Variants in KCNAB1 observed in about 807,000 individuals in gnomAD.
The protein encoded by KCNAB1 is potassium voltage-gated channel subfamily A regulatory beta subunit 1.
In KCNAB1, 35 loss-of-function variants were observed where a neutral mutation model predicts 64.6. That is an observed-to-expected ratio of 0.54 (90% confidence interval 0.41 to 0.72). The LOEUF (loss-of-function observed/expected upper bound fraction) is 0.72, where lower values mean the gene tolerates loss of function less well. Among genes scored for constraint, KCNAB1 ranks in the 30% least tolerant of loss-of-function variants. The pLI, the probability that KCNAB1 is intolerant of heterozygous loss-of-function variation, is 0.00. For missense variants in KCNAB1, 401 were observed against 512.9 expected (o/e 0.78, Z 2.11); for synonymous variants, 177 against 183.8 (o/e 0.96, Z 0.30).
At chr3:156,516,104 G>A (rs1717540892) in intron 10 of KCNAB1, among the ~76,000 whole-genome samples, 166 bp from the exon 11 acceptor site, 1 of 152,160 alleles carries the variant, frequency 6.6e-6, no homozygotes, top group African/African-American at 2.4e-5. Flanking sequence ...CAATTTGTAA[G>A]CTCCTAAATT....
intron 8 of KCNAB1, among the ~76,000 whole-genome samples, chr3:156,506,160 G>A (rs947305029): frequency 4.6e-5 from 7 of 152,148 alleles, no homozygotes; most frequent in African/African-American, 9.7e-5. Context: ...ACTGATTCTC[G>A]TATGTTGATT....
chr3:156,450,384 T>TC (rs1711903448), intron 2 of KCNAB1, among the ~76,000 whole-genome samples: 1 of 152,218 alleles, frequency 6.6e-6, no homozygotes, highest in Admixed American at 6.5e-5. Context: ...CCCTTCAAAA[T>TC]TCTCACCACA....
chr3:156,277,363 A>T (rs1314381958), intron 1 of KCNAB1, among the ~76,000 whole-genome samples: 2 of 152,130 alleles, frequency 1.3e-5, no homozygotes, highest in Non-Finnish European at 2.9e-5. Flanking sequence ...ACATGAAGTG[A>T]GTGTATGCTA....
chr3:156,441,287 A>T (rs1164717201), intron 2 of KCNAB1: 1 of 152,146 alleles, frequency 6.6e-6, no homozygotes, highest in African/African-American at 2.4e-5. Flanking sequence ...AATTCACTGA[A>T]CCATCAAAAA....
intron 8 of KCNAB1, among the ~76,000 whole-genome samples, chr3:156,513,622 G>A (rs1164226794): frequency 6.6e-6 from 1 of 152,212 alleles, no homozygotes; most frequent in Non-Finnish European, 1.5e-5. Context: ...GATTTGCTCA[G>A]CTCCATCCTC....
intron 1 of KCNAB1, chr3:156,176,071 A>G: frequency 1.3e-6 from 1 of 771,166 alleles, no homozygotes. Flanking sequence ...GTTCTTTTCA[A>G]AGTTGTGCAC....
intron 13 of KCNAB1, among the ~76,000 whole-genome samples, chr3:156,533,853 A>G (rs953659858): frequency 6.6e-6 from 1 of 152,178 alleles, no homozygotes; most frequent in African/African-American, 2.4e-5. Context: ...GGGATGGCAT[A>G]TGAGGCAAGT....
At chr3:156,354,144 G>A (rs868741987) in intron 1 of KCNAB1, among the ~76,000 whole-genome samples, 15 of 118,568 alleles carry the variant, frequency 1.3e-4, no homozygotes, top group South Asian at 2.6e-4. Context: ...ATATATATAT[G>A]TGTATATATA....
intron 1 of KCNAB1, among the ~76,000 whole-genome samples, chr3:156,354,100 ATGTATATATATGTGTGTG>A (rs1030637869): frequency 2.2e-5 from 3 of 134,272 alleles, no homozygotes; most frequent in Non-Finnish European, 4.7e-5. Flanking sequence ...TATATAATAT[ATGTATATATATGTGTGTG>A]TGTATATATA....
intron 1 of KCNAB1, among the ~76,000 whole-genome samples, chr3:156,290,549 A>G (rs1288578229): frequency 1.3e-5 from 2 of 152,236 alleles, no homozygotes; most frequent in East Asian, 1.9e-4. Flanking sequence ...ACCTGACATC[A>G]AACCAGAAAA....
chr3:156,318,275 G>A (rs1722421383), intron 1 of KCNAB1, among the ~76,000 whole-genome samples: 2 of 152,164 alleles, frequency 1.3e-5, no homozygotes, highest in Non-Finnish European at 2.9e-5. Context: ...TTCATTTTGG[G>A]TTGGATATAA....
intron 11 of KCNAB1, among the ~76,000 whole-genome samples, chr3:156,518,347 G>T (rs188246333): frequency 6.6e-6 from 1 of 152,124 alleles, no homozygotes; most frequent in East Asian, 1.9e-4. Context: ...AGTAATATAT[G>T]TGCACTTATG....
chr3:156,424,225 G>A (rs1294861187), intron 2 of KCNAB1, among the ~76,000 whole-genome samples: 1 of 152,112 alleles, frequency 6.6e-6, no homozygotes, highest in Non-Finnish European at 1.5e-5. Context: ...ATGAGAGGGA[G>A]TGACCAGGGT....
chr3:156,530,335 C>T (rs1337490705), intron 12 of KCNAB1, among the ~76,000 whole-genome samples: 2 of 152,064 alleles, frequency 1.3e-5, no homozygotes, highest in Non-Finnish European at 2.9e-5. Context: ...GATGCTTATG[C>T]AGCAGGAGAG....
intron 1 of KCNAB1, among the ~76,000 whole-genome samples, chr3:156,212,968 G>A (rs1253541469): frequency 1.3e-5 from 2 of 152,162 alleles, no homozygotes; most frequent in East Asian, 1.9e-4. Flanking sequence ...TTAAGGCAAT[G>A]AGGAGTGATG....
At chr3:156,214,609 C>T (rs1166542012) in intron 1 of KCNAB1, among the ~76,000 whole-genome samples, 1 of 152,146 alleles carries the variant, frequency 6.6e-6, no homozygotes, top group Non-Finnish European at 1.5e-5. Context: ...CAGATAGTTA[C>T]CTGACTGCAG....
At chr3:156,314,109 C>T (rs6441057) in intron 1 of KCNAB1, among the ~76,000 whole-genome samples, 19,006 of 152,230 alleles carry the variant, frequency 0.12, 3,089 homozygotes, top group African/African-American at 0.38. Flanking sequence ...TAAACTCCTG[C>T]AGGGCAGGGA....
Position 156,536,845 on chromosome 3 carries a change from T to A in KCNAB1, c.*98T>A. 8 of 829,006 alleles carry A rather than the reference T, an allele frequency of 9.7e-6. No homozygotes were observed. The highest frequency in any genetic ancestry group is 1.4e-5 in the Non-Finnish European group (7 of 488,702). The allele number at this position is 829,006 out of a possible 1,614,324, so 51.4% of individuals were successfully genotyped here. A position where few individuals can be genotyped will look rare whatever the true frequency, so the allele number is the denominator to read the frequency against. Reference sequence around the variant, plus strand: ...CCAGTCTTTTGAATCACTTAGCAGCTTGCTGCTCAACCTCTAGTGTCCCTC... The same window carrying A: ...CCAGTCTTTTGAATCACTTAGCAGCATGCTGCTCAACCTCTAGTGTCCCTC... On this transcript the variant is annotated 3_prime_UTR_variant, in exon 14 of 14. Coordinates refer to ENST00000490337, the MANE Select transcript of KCNAB1 (RefSeq NM_172160.3).
At chr3:156,523,642 C>G in intron 11 of KCNAB1, 185 bp from the exon 12 acceptor site, 1 of 609,704 alleles carries the variant, frequency 1.6e-6, no homozygotes, top group Non-Finnish European at 2.9e-6. Flanking sequence ...CTGTTTTGAA[C>G]CAATAAACAA....
Sources: allele counts gnomAD v4.1 joint callset (sites outside exome capture counted in the v4.1 genomes callset), GRCh38; gene constraint gnomAD v4.1.1; transcripts MANE v1.5; gene names NCBI Gene and HGNC (gene_info 2026-07-23, HGNC 2026-07-21).